IPO11: variants seen among roughly 807,000 people sequenced by gnomAD.
IPO11 encodes importin 11, also known as importin-11.
IPO11 carries 66 observed loss-of-function variants against 143.2 expected under a neutral mutation model. That is an observed-to-expected ratio of 0.46 (90% CI 0.38 to 0.57). IPO11 has a LOEUF of 0.57. IPO11 is among the 20% of genes least tolerant of loss of function. IPO11 has a pLI of 0.00. For missense variants in IPO11, 1,026 were observed against 1,141.0 expected (o/e 0.90, Z 1.45); for synonymous variants, 385 against 377.8 (o/e 1.02, Z -0.22).
chr5:62,588,426 T>G (rs1192634073), intron 27 of IPO11, among the ~76,000 whole-genome samples: 1 of 152,074 alleles, frequency 6.6e-6, no homozygotes, highest in Non-Finnish European at 1.5e-5. Flanking sequence ...GAGACAAGGG[T>G]CTCACTTTGT....
intron 5 of IPO11, among the ~76,000 whole-genome samples, chr5:62,461,558 C>A (rs960341640): frequency 3.3e-5 from 5 of 152,210 alleles, no homozygotes; most frequent in African/African-American, 1.2e-4. Flanking sequence ...TTCATTCCAG[C>A]CATTTGTGTA....
chr5:62,575,649 A>G (rs541983695), intron 27 of IPO11, among the ~76,000 whole-genome samples: 8 of 152,118 alleles, frequency 5.3e-5, no homozygotes, highest in African/African-American at 1.4e-4. Flanking sequence ...TTATGTATGC[A>G]TCTCTCGTTA....
intron 7 of IPO11, 113 bp downstream of exon 7, chr5:62,470,421 C>T: frequency 1.1e-6 from 1 of 920,728 alleles, no homozygotes; most frequent in South Asian, 1.4e-5. Context: ...ATTAAGTGAC[C>T]ATCTAGTTTT....
At chr5:62,623,291 G>A (rs1045515058) in intron 29 of IPO11, among the ~76,000 whole-genome samples, 3 of 152,090 alleles carry the variant, frequency 2.0e-5, no homozygotes, top group Non-Finnish European at 2.9e-5. Context: ...CTCCTACCAA[G>A]TTTCATGGAA....
intron 11 of IPO11, among the ~76,000 whole-genome samples, chr5:62,484,860 A>T (rs1289116402): frequency 2.0e-5 from 3 of 149,806 alleles, no homozygotes; most frequent in African/African-American, 7.3e-5. Flanking sequence ...TTTAGTTTTA[A>T]TACAGGATTG....
intron 29 of IPO11, among the ~76,000 whole-genome samples, chr5:62,615,924 A>G (rs1459241185): frequency 1.3e-5 from 2 of 152,204 alleles, no homozygotes; most frequent in Non-Finnish European, 2.9e-5. Context: ...CATCTAGCAC[A>G]AGTGACTGCA....
chr5:62,531,426 G>C (rs1430860322), intron 22 of IPO11, among the ~76,000 whole-genome samples: 1 of 152,068 alleles, frequency 6.6e-6, no homozygotes, highest in Non-Finnish European at 1.5e-5. Flanking sequence ...AACCTCCCAG[G>C]TTCAAACTGT....
rs1561380474 is a variant in IPO11 at position 62,598,411 on chromosome 5, TC to T, written c.2679-3352del. ...TGCTTGCTTTCTTTCTTTCTTTCTT[TC>T]TTTCTTTCTTTCTTTCTTTCTCTCT... On this transcript the variant is annotated intron_variant, in intron 28 of 29. Coordinates refer to ENST00000325324, the MANE Select transcript of IPO11 (RefSeq NM_016338.5). Among the ~76,000 whole-genome samples the T allele has an allele frequency of 4.6e-4, 5 of 10,822 alleles. No homozygotes were observed. In the African/African-American group the frequency reaches 5.0e-3, roughly 11 times the overall value. The allele number at this position is 10,822 out of a possible 152,430, so 7.1% of individuals were successfully genotyped here. A position where few individuals can be genotyped will look rare whatever the true frequency, so the allele number is the denominator to read the frequency against.
intron 27 of IPO11, among the ~76,000 whole-genome samples, chr5:62,590,964 C>G (rs1195170900): frequency 1.3e-5 from 2 of 151,924 alleles, no homozygotes; most frequent in African/African-American, 4.8e-5. Context: ...CTGTGTTGTC[C>G]AGGCTGGAGA....
chr5:62,428,086 A>G (rs1458276687), intron 1 of IPO11, among the ~76,000 whole-genome samples: 1 of 152,220 alleles, frequency 6.6e-6, no homozygotes, highest in East Asian at 1.9e-4. Flanking sequence ...ACACACTAGT[A>G]TCTTTGGAAC....
intron 4 of IPO11, 38 bp downstream of exon 4, chr5:62,450,037 G>A: frequency 7.4e-7 from 1 of 1,356,796 alleles, no homozygotes; most frequent in Non-Finnish European, 1.0e-6. Flanking sequence ...CTTTTTATTT[G>A]TACTGCTTTT....
chr5:62,533,766 G>T (rs1031795528), intron 22 of IPO11, among the ~76,000 whole-genome samples: 1 of 152,074 alleles, frequency 6.6e-6, no homozygotes, highest in Non-Finnish European at 1.5e-5. Context: ...TTTGAGACCA[G>T]CCTGGGCAAC....
chr5:62,496,363 A>T (rs1741158059), intron 16 of IPO11, among the ~76,000 whole-genome samples: 1 of 151,972 alleles, frequency 6.6e-6, no homozygotes, highest in African/African-American at 2.4e-5. Flanking sequence ...ATATTCATAG[A>T]ATATACTTTG....
chr5:62,464,645 T>A (rs970723999), intron 5 of IPO11, among the ~76,000 whole-genome samples: 1 of 151,910 alleles, frequency 6.6e-6, no homozygotes, highest in Non-Finnish European at 1.5e-5. Flanking sequence ...CCTGGTTAAT[T>A]TTTTTTGTAC....
intron 5 of IPO11, among the ~76,000 whole-genome samples, chr5:62,458,282 G>A (rs563691830): frequency 1.9e-3 from 285 of 151,552 alleles, no homozygotes; most frequent in African/African-American, 6.6e-3. Flanking sequence ...CTTATCTCTT[G>A]CTCTGTGTAA....
At chr5:62,559,581 C>CTTTTGT (rs1187210913) in intron 26 of IPO11, among the ~76,000 whole-genome samples, 2 of 151,952 alleles carry the variant, frequency 1.3e-5, no homozygotes, top group Non-Finnish European at 2.9e-5. Flanking sequence ...CTCTTTGTTG[C>CTTTTGT]TTTTGTTTTT....
At chr5:62,615,089 C>T (rs933531603) in intron 29 of IPO11, among the ~76,000 whole-genome samples, 19 of 152,034 alleles carry the variant, frequency 1.2e-4, no homozygotes, top group East Asian at 7.7e-4. Flanking sequence ...CTGTGGATTG[C>T]GGTCTATATA....
rs780794796 is a variant in IPO11, at chr5:62,489,329, C to T, written c.1337C>T (p.Ala446Val). 6.4e-7 allele frequency: 1 copy of T among 1,563,084 alleles called. No individual in the cohort carries two copies. Residue 446 changes from alanine to valine, a missense_variant, in exon 14 of 30, where the codon GCA (alanine) becomes GTA (valine). Coordinates refer to ENST00000325324, the MANE Select transcript of IPO11 (RefSeq NM_016338.5). ...QGPTNVEDMNALLIKDAVYNA... is the reference protein window; with the variant it reads ...QGPTNVEDMNVLLIKDAVYNA... ...CCCACAAATGTGGAAGATATGAATG[C>T]ACTGTTAATCAAAGATGCTGGTATG...
At chr5:62,537,803 C>T (rs1742786542) in intron 24 of IPO11, among the ~76,000 whole-genome samples, 1 of 151,672 alleles carries the variant, frequency 6.6e-6, no homozygotes, top group African/African-American at 2.4e-5. Flanking sequence ...ATATATTATA[C>T]CTGTCTATTA....
Sources: allele counts gnomAD v4.1 joint callset (sites outside exome capture counted in the v4.1 genomes callset), GRCh38; gene constraint gnomAD v4.1.1; transcripts MANE v1.5; gene names NCBI Gene and HGNC (gene_info 2026-07-23, HGNC 2026-07-21).